The following ROBO2 variants were observed in gnomAD, a reference collection of about 807,000 sequenced individuals.
ROBO2 encodes roundabout guidance receptor 2.
A neutral mutation model predicts 160.8 loss-of-function variants in ROBO2; 53 were observed. The observed-to-expected ratio is 0.33, with a 90% CI of 0.26 to 0.41. The LOEUF is 0.41. Among genes scored for constraint, ROBO2 ranks in the 10% least tolerant of loss-of-function variants. The pLI is 1.00. For missense variants in ROBO2, 1,577 were observed against 1,722.4 expected, an observed-to-expected ratio of 0.92 and a Z score of 1.49; for synonymous variants, 664 against 611.7, an observed-to-expected ratio of 1.09 and a Z score of -1.26.
At chr3:76,523,235 G>A (rs964456603) in intron 2 of ROBO2, among the ~76,000 whole-genome samples, 1 of 151,872 alleles carries the variant, frequency 6.6e-6, no homozygotes, top group African/African-American at 2.4e-5. Flanking sequence ...TAAAGGAGAA[G>A]ACTAAATGAT....
intron 2 of ROBO2, among the ~76,000 whole-genome samples, chr3:76,752,305 G>A (rs1348837432): frequency 6.6e-6 from 1 of 151,808 alleles, no homozygotes; most frequent in Non-Finnish European, 1.5e-5. Flanking sequence ...GGGGTAGGGG[G>A]GAGGGATAGC....
At chr3:77,518,071 A>G (rs1457499698) in intron 5 of ROBO2, among the ~76,000 whole-genome samples, 1 of 151,540 alleles carries the variant, frequency 6.6e-6, no homozygotes, top group African/African-American at 2.4e-5. Flanking sequence ...TAGGAGAGAG[A>G]GTATACTTTT....
intron 2 of ROBO2, among the ~76,000 whole-genome samples, chr3:76,815,952 C>T (rs933130529): frequency 6.6e-6 from 1 of 152,080 alleles, no homozygotes; most frequent in Non-Finnish European, 1.5e-5. Context: ...GGAGTGCATT[C>T]GACAGCTTGT....
intron 2 of ROBO2, among the ~76,000 whole-genome samples, chr3:76,865,085 A>C (rs1485279207): frequency 6.6e-6 from 1 of 152,034 alleles, no homozygotes; most frequent in Non-Finnish European, 1.5e-5. Flanking sequence ...TTCCCTAGAG[A>C]CATCTTACAG....
chr3:75,914,789 A>G (rs1312910068), intron 1 of ROBO2, among the ~76,000 whole-genome samples: 1 of 152,182 alleles, frequency 6.6e-6, no homozygotes, highest in Non-Finnish European at 1.5e-5. Context: ...TTGTACAACA[A>G]ATGGTCCTTT....
chr3:76,001,756 G>A (rs368932620), intron 2 of ROBO2, among the ~76,000 whole-genome samples: 23 of 152,058 alleles, frequency 1.5e-4, no homozygotes, highest in African/African-American at 5.1e-4. Flanking sequence ...TGTTGTCCAG[G>A]CTGGTCTTGA....
intron 2 of ROBO2, among the ~76,000 whole-genome samples, chr3:76,167,740 A>G (rs536028757): frequency 2.0e-5 from 3 of 152,130 alleles, no homozygotes; most frequent in Non-Finnish European, 4.4e-5. Flanking sequence ...GAACAAGTTG[A>G]CTTTCTTTAC....
At chr3:77,536,487 T>A (rs945437555) in intron 6 of ROBO2, among the ~76,000 whole-genome samples, 5 of 151,994 alleles carry the variant, frequency 3.3e-5, no homozygotes, top group Non-Finnish European at 5.9e-5. Flanking sequence ...CTCTATGGTT[T>A]CTCCAGCTGT....
chr3:77,398,685 G>T (rs1279034975), intron 2 of ROBO2, among the ~76,000 whole-genome samples: 1 of 151,936 alleles, frequency 6.6e-6, no homozygotes, highest in Non-Finnish European at 1.5e-5. Context: ...GGGCTCAAGT[G>T]ATCCTTCCAT....
chr3:76,007,911 T>C (rs1405935326), intron 2 of ROBO2, among the ~76,000 whole-genome samples: 1 of 151,830 alleles, frequency 6.6e-6, no homozygotes, highest in Admixed American at 6.6e-5. Flanking sequence ...TTAGAGAAAA[T>C]TAGAAAGATA....
At chr3:77,011,091 C>CTTTCTT (rs1559841523) in intron 2 of ROBO2, among the ~76,000 whole-genome samples, 79 of 69,958 alleles carry the variant, frequency 1.1e-3, no homozygotes, top group African/African-American at 2.4e-3. Flanking sequence ...CTTTCTTTTT[C>CTTTCTT]TTTCTATCTT....
At chr3:75,995,732 A>G (rs567129048) in intron 2 of ROBO2, among the ~76,000 whole-genome samples, 2 of 152,262 alleles carry the variant, frequency 1.3e-5, no homozygotes, top group African/African-American at 2.4e-5. Flanking sequence ...CCAGCCCACA[A>G]AAGCAGTTGG....
At chr3:76,152,089 G>T (rs1263177703) in intron 2 of ROBO2, among the ~76,000 whole-genome samples, 1 of 152,096 alleles carries the variant, frequency 6.6e-6, no homozygotes, top group Non-Finnish European at 1.5e-5. Context: ...CTTCTTTGGT[G>T]GCCAGTGTTG....
At chr3:75,939,315 G>A (rs1947934977) in intron 2 of ROBO2, among the ~76,000 whole-genome samples, 1 of 152,088 alleles carries the variant, frequency 6.6e-6, no homozygotes, top group South Asian at 2.1e-4. Flanking sequence ...TGTTTTAGAT[G>A]AGGAATAGGT....
At chr3:76,519,433 GAATT>G (rs2081491077) in intron 2 of ROBO2, among the ~76,000 whole-genome samples, 1 of 152,138 alleles carries the variant, frequency 6.6e-6, no homozygotes, top group South Asian at 2.1e-4. Flanking sequence ...ATGATTTCAG[GAATT>G]AATTAAAATG....
At chr3:76,300,322 T>C (rs553900187) in intron 2 of ROBO2, among the ~76,000 whole-genome samples, 2 of 151,656 alleles carry the variant, frequency 1.3e-5, no homozygotes, top group Admixed American at 6.6e-5. Flanking sequence ...CAACATTAAA[T>C]AGGTCTGTGT....
intron 2 of ROBO2, among the ~76,000 whole-genome samples, chr3:76,401,406 C>T (rs1260309608): frequency 6.6e-6 from 1 of 151,376 alleles, no homozygotes; most frequent in Non-Finnish European, 1.5e-5. Context: ...CAATATCTAG[C>T]ACATGACTGA....
At chr3:76,143,872 T>C (rs926822462) in intron 2 of ROBO2, among the ~76,000 whole-genome samples, 4 of 151,966 alleles carry the variant, frequency 2.6e-5, no homozygotes, top group Non-Finnish European at 5.9e-5. Context: ...GGCCAGGAGA[T>C]TGTGTGGCGT....
chr3:76,337,688 A>G (rs2073979625), intron 2 of ROBO2, among the ~76,000 whole-genome samples: 1 of 152,210 alleles, frequency 6.6e-6, no homozygotes, highest in South Asian at 2.1e-4. Context: ...TAGAGGTGTG[A>G]AAGAAAATCT....
Sources: allele counts gnomAD v4.1 joint callset (sites outside exome capture counted in the v4.1 genomes callset), GRCh38; gene constraint gnomAD v4.1.1; transcripts MANE v1.5; gene names NCBI Gene and HGNC (gene_info 2026-07-23, HGNC 2026-07-21).